AGPS: variants seen among roughly 807,000 people sequenced by gnomAD.
The protein encoded by AGPS is alkyldihydroxyacetonephosphate synthase, peroxisomal.
AGPS carries 26 observed loss-of-function variants against 90.7 expected under a neutral mutation model. That is an observed-to-expected ratio of 0.29 (90% confidence interval 0.21 to 0.40). The LOEUF (loss-of-function observed/expected upper bound fraction) is 0.40. AGPS is among the 10% of genes least tolerant of loss of function. AGPS has a pLI of 1.00. For synonymous variants in AGPS, 294 were observed against 285.3 expected (o/e 1.03, Z -0.31); for missense variants, 540 against 816.1 (o/e 0.66, Z 4.12).
At chr2:177,461,012 C>T (rs762440109) in intron 8 of AGPS, among the ~76,000 whole-genome samples, 32 of 152,218 alleles carry the variant, frequency 2.1e-4, no homozygotes, top group Non-Finnish European at 4.0e-4. Flanking sequence ...AATATACAGA[C>T]GTGGCTGACA....
At chr2:177,503,061 C>T (rs2105715655) in intron 14 of AGPS, among the ~76,000 whole-genome samples, 1 of 152,120 alleles carries the variant, frequency 6.6e-6, no homozygotes, top group Middle Eastern at 3.4e-3. Flanking sequence ...ATTAGCTTTA[C>T]ATTGATTTTT....
intron 17 of AGPS, among the ~76,000 whole-genome samples, chr2:177,514,578 T>C (rs368363450): frequency 2.9e-4 from 44 of 152,330 alleles, no homozygotes; most frequent in East Asian, 2.1e-3. Context: ...ATAATTTGCA[T>C]ATATTTGTTT....
intron 10 of AGPS, among the ~76,000 whole-genome samples, chr2:177,481,645 T>G (rs1456939683): frequency 1.3e-5 from 2 of 152,010 alleles, no homozygotes; most frequent in Non-Finnish European, 2.9e-5. Flanking sequence ...AGGGTTTTTT[T>G]GCCCAATAAA....
At chr2:177,495,917 CAAAAA>C (rs57571340) in intron 12 of AGPS, among the ~76,000 whole-genome samples, 2 of 93,176 alleles carry the variant, frequency 2.1e-5, no homozygotes, top group Non-Finnish European at 4.2e-5. Flanking sequence ...GACTCTGTCT[CAAAAA>C]AAAAAAAAAA....
rs574980346 is a variant in AGPS at position 177,416,792 on chromosome 2, G to A, written c.261-3477G>A. On this transcript the variant is annotated intron_variant, in intron 1 of 19. Coordinates refer to ENST00000264167, the MANE Select transcript of AGPS (RefSeq NM_003659.4). The stretch of plus-strand genomic sequence containing the variant: ...GATCTGCCCACCTTGGCCTCCCAAA[G>A]TGCTAGGATTACAGGTGTGAGCCAC... Among the ~76,000 whole-genome samples the A allele has an allele frequency of 7.4e-4, 113 of 152,090 alleles. 1 individual carries two copies. The highest frequency in any genetic ancestry group is 1.1e-3 in the Non-Finnish European group (78 of 68,018).
rs1159060576 is a variant in AGPS at position 177,425,622 on chromosome 2, GA to G, written c.350+5286del. 8.3e-3 allele frequency among the ~76,000 whole-genome samples: 795 copies of G among 95,254 alleles called. 5 individuals carry two copies. The highest frequency in any genetic ancestry group is 0.04 in the East Asian group (121 of 3,046). The allele number at this position is 95,254 out of a possible 152,430, so 62.5% of individuals were successfully genotyped here. A position where few individuals can be genotyped will look rare whatever the true frequency, so the allele number is the denominator to read the frequency against. On this transcript the variant is annotated intron_variant, in intron 2 of 19. Coordinates refer to ENST00000264167, the MANE Select transcript of AGPS (RefSeq NM_003659.4). ...GGCAACAAGAGTGAAACTCTGCCTA[GA>G]AAAAAAAAAAAAAAAAAAAAAGGAA...
At chr2:177,442,634 G>A (rs1313740119) in intron 7 of AGPS, 148 bp downstream of exon 7, 2 of 652,224 alleles carry the variant, frequency 3.1e-6, no homozygotes, top group African/African-American at 3.7e-5. Flanking sequence ...ATCACTTGAG[G>A]TCGGGAGTTC....
rs569325561 is a variant in AGPS at position 177,467,003 on chromosome 2, TAGG to T, written c.997-1411_997-1409del. On this transcript the variant is annotated intron_variant, in intron 9 of 19. Coordinates refer to ENST00000264167, the MANE Select transcript of AGPS (RefSeq NM_003659.4). ...AATGCGTGGCTTTTGCTCTGCCAAC[TAGG>T]AAGGGGGTGGGGCTTCCACCTGTTT... Among the ~76,000 whole-genome samples the T allele has an allele frequency of 4.3e-3, 652 of 152,104 alleles. 3 individuals carry two copies. The highest frequency in any genetic ancestry group is 0.015 in the African/African-American group (622 of 41,456).
At chr2:177,493,948 G>A (rs889113371) in intron 12 of AGPS, among the ~76,000 whole-genome samples, 1 of 152,128 alleles carries the variant, frequency 6.6e-6, no homozygotes, top group East Asian at 1.9e-4. Context: ...GGATGTGGAA[G>A]GCTAAATAAA....
chr2:177,434,104 A>T (rs2105626301), intron 2 of AGPS, among the ~76,000 whole-genome samples: 1 of 152,260 alleles, frequency 6.6e-6, no homozygotes, highest in South Asian at 2.1e-4. Context: ...CCTTTTTTCA[A>T]GTGTAGCACA....
At chr2:177,448,022 G>T (rs140927085) in intron 8 of AGPS, among the ~76,000 whole-genome samples, 1 of 151,948 alleles carries the variant, frequency 6.6e-6, no homozygotes, top group Admixed American at 6.6e-5. Context: ...TTTTTCCTAC[G>T]TTTATTAAAT....
chr2:177,466,134 C>T (rs1258593917), intron 9 of AGPS, among the ~76,000 whole-genome samples: 1 of 151,982 alleles, frequency 6.6e-6, no homozygotes, highest in Admixed American at 6.6e-5. Flanking sequence ...ACAGGCAGGG[C>T]ATCCTGATGA....
At chr2:177,408,539 A>T (rs533284390) in intron 1 of AGPS, among the ~76,000 whole-genome samples, 30 of 152,114 alleles carry the variant, frequency 2.0e-4, no homozygotes, top group Non-Finnish European at 3.7e-4. Flanking sequence ...GTATAGATTT[A>T]TGCCACCTCC....
intron 2 of AGPS, among the ~76,000 whole-genome samples, chr2:177,430,486 T>G (rs1280553917): frequency 6.6e-6 from 1 of 152,168 alleles, no homozygotes; most frequent in Non-Finnish European, 1.5e-5. Context: ...GCCCTGGTGG[T>G]GTGGGGTCAT....
chr2:177,509,797 G>T (rs1280380869), intron 16 of AGPS, among the ~76,000 whole-genome samples: 2 of 151,878 alleles, frequency 1.3e-5, no homozygotes, highest in Non-Finnish European at 2.9e-5. Flanking sequence ...CAAAACTAAG[G>T]ACGAATACTT....
chr2:177,421,296 C>A (rs1685932795), intron 2 of AGPS, among the ~76,000 whole-genome samples: 2 of 151,874 alleles, frequency 1.3e-5, no homozygotes, highest in Admixed American at 6.6e-5. Flanking sequence ...CAGTATTGTA[C>A]CCTGATTTAA....
chr2:177,526,449 C>T (rs1276961297), intron 19 of AGPS, among the ~76,000 whole-genome samples: 4 of 151,984 alleles, frequency 2.6e-5, no homozygotes, highest in Non-Finnish European at 4.4e-5. Context: ...AGGCTGGTCT[C>T]GAACTCCTGA....
At chr2:177,425,628 A>AAG (rs2105615588) in intron 2 of AGPS, among the ~76,000 whole-genome samples, 1 of 143,708 alleles carries the variant, frequency 7.0e-6, no homozygotes, top group East Asian at 2.0e-4. Context: ...CCTAGAAAAA[A>AAG]AAAAAAAAAA....
At chr2:177,455,864 T>G (rs1265604717) in intron 8 of AGPS, among the ~76,000 whole-genome samples, 1 of 152,154 alleles carries the variant, frequency 6.6e-6, no homozygotes, top group South Asian at 2.1e-4. Context: ...AAGGAATATA[T>G]CTGAAGGTCA....
Sources: allele counts gnomAD v4.1 joint callset (sites outside exome capture counted in the v4.1 genomes callset), GRCh38; gene constraint gnomAD v4.1.1; transcripts MANE v1.5; gene names NCBI Gene and HGNC (gene_info 2026-07-23, HGNC 2026-07-21).